Variants in CCT3 observed in about 807,000 individuals in gnomAD.
CCT3 encodes the protein T-complex protein 1 subunit gamma.
A neutral mutation model predicts 65.3 loss-of-function variants in CCT3; 10 were observed. The ratio of observed to expected loss-of-function variants is 0.15; its 90% confidence interval spans 0.09 to 0.26. The LOEUF (loss-of-function observed/expected upper bound fraction) is 0.26. Among genes scored for constraint, CCT3 ranks in the 10% least tolerant of loss-of-function variants. The probability of loss-of-function intolerance (pLI) is 1.00; values close to 1 mark genes in which losing one functional copy is unlikely to be tolerated. For synonymous variants in CCT3, 225 were observed against 242.3 expected (o/e 0.93, Z 0.66); for missense variants, 626 against 708.7 (o/e 0.88, Z 1.33).
chr1:156,313,830 C>T (rs1468312978), intron 10 of CCT3, among the ~76,000 whole-genome samples: 1 of 152,222 alleles, frequency 6.6e-6, no homozygotes, highest in Non-Finnish European at 1.5e-5. Context: ...TGGCTCATGC[C>T]TGTAATCCCA....
chr1:156,329,431 G>A (rs1436573937), intron 5 of CCT3, among the ~76,000 whole-genome samples: 2 of 149,166 alleles, frequency 1.3e-5, no homozygotes, highest in Non-Finnish European at 3.0e-5. Context: ...TCAGCCTCCC[G>A]AGTAGCTGGG....
At chr1:156,330,857 T>A (rs938323045) in intron 5 of CCT3, among the ~76,000 whole-genome samples, 8 of 151,630 alleles carry the variant, frequency 5.3e-5, no homozygotes, top group Admixed American at 5.3e-4. Context: ...GAGGCTGCAG[T>A]GAGCCAAGAC....
Position 156,310,743 on chromosome 1 carries a change from T to G in CCT3, c.1402-54A>C, listed in dbSNP as rs1024025257. 4.4e-6 allele frequency: 7 copies of G among 1,597,864 alleles called. No individual in the cohort carries two copies. The African/African-American group carries it at 6.7e-5, about 15-fold the overall frequency. On this transcript the variant is annotated intron_variant, in intron 12 of 13. Transcript: ENST00000295688. ...AAATAAGTTAACAGGAAACATCAGG[T>G]AAGAAATGAAGTAAAAAACAATGGA...
chr1:156,327,631 C>A (rs368850166), intron 5 of CCT3, among the ~76,000 whole-genome samples: 88 of 151,938 alleles, frequency 5.8e-4, no homozygotes, highest in African/African-American at 1.4e-3. Context: ...GGCGTGATCT[C>A]GGCTCGCTAC....
At position 156,319,146 on chromosome 1, in the gene CCT3, T is replaced by A. The variant is rs1333890159; in HGVS notation, c.610-129A>T. The A allele has an allele frequency of 4.0e-6, 3 of 747,074 alleles. No homozygotes were observed. The East Asian group carries it at 9.0e-5, about 22-fold the overall frequency. 46.3% of individuals were successfully genotyped at this position (747,074 alleles called of 1,614,324 possible). ...TTTTTTTTTTGAGATGGAGTCTCGC[T>A]CTGTCGCTCAGGCTGGAGTGCAGTG... On this transcript the variant is annotated intron_variant, in intron 7 of 13. Coordinates refer to ENST00000295688, the MANE Select transcript of CCT3 (RefSeq NM_005998.5).
intron 8 of CCT3, 93 bp from the exon 9 acceptor site, chr1:156,317,640 GTA>G (rs1491205582): frequency 7.8e-6 from 9 of 1,152,456 alleles, no homozygotes; most frequent in Non-Finnish European, 9.8e-6. Flanking sequence ...CCTCTCCCAC[GTA>G]TCTCAGAGTC....
chr1:156,325,525 C>T (rs1296745534), intron 5 of CCT3, among the ~76,000 whole-genome samples: 1 of 151,432 alleles, frequency 6.6e-6, no homozygotes, highest in African/African-American at 2.4e-5. Flanking sequence ...GAGACCCTAT[C>T]TCAAAAAATA....
chr1:156,329,837 G>A (rs1665033259), intron 5 of CCT3, among the ~76,000 whole-genome samples: 1 of 151,760 alleles, frequency 6.6e-6, no homozygotes, highest in African/African-American at 2.4e-5. Context: ...TACTTGGGAG[G>A]CTGAGGCAGG....
chr1:156,337,640 A>G (rs996264252), intron 1 of CCT3: 3 of 167,496 alleles, frequency 1.8e-5, no homozygotes, highest in African/African-American at 4.8e-5. Flanking sequence ...GATATTACCT[A>G]TTTACCAGAC....
chr1:156,333,246 T>C lies in CCT3; in HGVS notation c.304+301A>G, dbSNP rs905008237. On this transcript the variant is annotated intron_variant, in intron 5 of 13. Transcript: ENST00000295688. ...AGGCAGAGGTTGCAGTGAGCCAAGA[T>C]CGCACCACCACACTCCAGCATGGTG... 12 of 285,238 alleles carry C rather than the reference T, an allele frequency of 4.2e-5. No homozygotes were observed. In the East Asian group the frequency reaches 1.2e-3, roughly 30 times the overall value. The allele number at this position is 285,238 out of a possible 1,614,324, so 17.7% of individuals were successfully genotyped here.
intron 11 of CCT3, among the ~76,000 whole-genome samples, chr1:156,311,650 G>GA (rs1284072777): frequency 6.6e-6 from 1 of 151,398 alleles, no homozygotes; most frequent in Non-Finnish European, 1.5e-5. Context: ...CCTCAATGAG[G>GA]AAAAAAAAGT....
At chr1:156,336,414 T>C (rs1353590098) in intron 1 of CCT3, among the ~76,000 whole-genome samples, 1 of 152,094 alleles carries the variant, frequency 6.6e-6, no homozygotes, top group Non-Finnish European at 1.5e-5. Context: ...TCTGCTTGGA[T>C]AGGGGGATCA....
chr1:156,320,723 ACT>A (rs1176938418), intron 7 of CCT3, 114 bp downstream of exon 7: 22 of 790,570 alleles, frequency 2.8e-5, no homozygotes, highest in Middle Eastern at 3.7e-4. Context: ...ACAAGGTGAG[ACT>A]CTGTCTCAAA....
chr1:156,326,649 C>CAAAAAAAAAAA (rs760908966), intron 5 of CCT3, among the ~76,000 whole-genome samples: 1 of 65,670 alleles, frequency 1.5e-5, no homozygotes, highest in African/African-American at 6.3e-5. Context: ...GACTCCATCT[C>CAAAAAAAAAAA]AAAAAAAAAA....
intron 10 of CCT3, among the ~76,000 whole-genome samples, chr1:156,316,725 T>C (rs1202466822): frequency 6.6e-6 from 1 of 152,166 alleles, no homozygotes; most frequent in Non-Finnish European, 1.5e-5. Flanking sequence ...AGCACAGACA[T>C]CAGTGCAGAA....
At chr1:156,321,065 G>T in intron 6 of CCT3, 40 bp from the exon 7 acceptor site, 1 of 1,529,914 alleles carries the variant, frequency 6.5e-7, no homozygotes, top group Non-Finnish European at 9.0e-7. Flanking sequence ...AAGAAGGCAT[G>T]TTAGATATGT....
chr1:156,325,251 G>A (rs1437363969), intron 5 of CCT3, among the ~76,000 whole-genome samples, 162 bp from the exon 6 acceptor site: 2 of 152,136 alleles, frequency 1.3e-5, no homozygotes, highest in Non-Finnish European at 2.9e-5. Flanking sequence ...TGTATAAGAC[G>A]GCAATTTATA....
intron 5 of CCT3, among the ~76,000 whole-genome samples, chr1:156,328,474 A>T (rs1664958788): frequency 1.3e-5 from 2 of 151,970 alleles, no homozygotes; most frequent in Non-Finnish European, 2.9e-5. Context: ...GTGTAGAGAG[A>T]AGTAGACATG....
chr1:156,313,783 A>G (rs948857686), intron 10 of CCT3, among the ~76,000 whole-genome samples: 3 of 152,186 alleles, frequency 2.0e-5, no homozygotes, highest in Non-Finnish European at 2.9e-5. Context: ...CTTATTACAC[A>G]TGGTACTTCA....
Sources: gnomAD v4.1 joint callset for allele counts (sites outside exome capture counted in the v4.1 genomes callset) on GRCh38, gnomAD v4.1.1 for gene constraint, MANE v1.5 for transcripts, NCBI Gene and HGNC (gene_info 2026-07-23, HGNC 2026-07-21) for gene names.